The following EIF3CL variants were observed in gnomAD, a reference collection of about 807,000 sequenced individuals.
EIF3CL encodes the protein eukaryotic translation initiation factor 3 subunit C like.
For synonymous variants in EIF3CL, 2 were observed against 19.6 expected (o/e 0.10, Z 2.37); for missense variants, 5 against 56.1 (o/e 0.09, Z 2.91).
the EIF3CL span, among the ~76,000 whole-genome samples, chr16:28,417,140 GT>G: frequency 1.5e-4 from 20 of 135,592 alleles, no homozygotes; most frequent in African/African-American, 5.6e-4. Flanking sequence ...CGGGAGGGAG[GT>G]TGGGGGGTCA....
the EIF3CL span, among the ~76,000 whole-genome samples, chr16:28,418,068 G>A: frequency 2.6e-5 from 4 of 150,978 alleles, no homozygotes; most frequent in African/African-American, 7.3e-5. Context: ...AGATAGTAGT[G>A]TGCATGCTAT....
the EIF3CL span, chr16:28,414,699 G>A: frequency 8.3e-6 from 3 of 360,980 alleles, no homozygotes; most frequent in East Asian, 8.2e-5. Flanking sequence ...GTGGGGCTGC[G>A]CCAAGCTGCG....
upstream of EIF3CL, among the ~76,000 whole-genome samples, chr16:28,408,204 C>CAAAAAAAA (rs1224629208): frequency 2.1e-5 from 1 of 47,860 alleles, no homozygotes; most frequent in African/African-American, 9.0e-5. Flanking sequence ...ACCTTGTCGC[C>CAAAAAAAA]AAAAAAAAAA....
At chr16:28,416,832 G>A in the EIF3CL span, among the ~76,000 whole-genome samples, 1 of 83,116 alleles carries the variant, frequency 1.2e-5, no homozygotes, top group African/African-American at 4.3e-5. Context: ...CGCCCCTACT[G>A]GGAAGTGAGG....
At chr16:28,414,465 C>T in the EIF3CL span, 1 of 290,648 alleles carries the variant, frequency 3.4e-6, no homozygotes, top group Non-Finnish European at 6.6e-6. Flanking sequence ...AGATGGTCAA[C>T]TACCTGGTCA....
chr16:28,392,620 CAAAACAAAAA>C (rs1482482692), intron 8 of EIF3CL, among the ~76,000 whole-genome samples: 1 of 119,064 alleles, frequency 8.4e-6, no homozygotes, highest in Non-Finnish European at 1.8e-5. Context: ...CAAAACAAAA[CAAAACAAAAA>C]AAAACCAACC....
chr16:28,408,333 T>C (rs1270909468), upstream of EIF3CL, among the ~76,000 whole-genome samples: 1 of 35,064 alleles, frequency 2.9e-5, no homozygotes, highest in African/African-American at 1.0e-4. Context: ...GTGTATTTAA[T>C]AGGTGAATTT....
At chr16:28,423,859 T>C in the EIF3CL span, among the ~76,000 whole-genome samples, 1 of 115,824 alleles carries the variant, frequency 8.6e-6, no homozygotes, top group African/African-American at 2.7e-5. Context: ...TCTTGCTCTG[T>C]TGCCCAGGCT....
intron 15 of EIF3CL, among the ~76,000 whole-genome samples, chr16:28,386,767 CACACACACACACACCCCTAAAAGAT>C (rs2045605280): frequency 4.7e-5 from 4 of 85,450 alleles, no homozygotes; most frequent in African/African-American, 9.2e-5. Flanking sequence ...CACACACACA[CACACACACACACACCCCTAAAAGAT>C]ACACACACAC....
At chr16:28,414,884 C>T in the EIF3CL span, 1 of 517,666 alleles carries the variant, frequency 1.9e-6, no homozygotes, top group Non-Finnish European at 3.9e-6. Context: ...CCAAGTTCCC[C>T]ATGCAACAGT....
At chr16:28,421,742 G>A in the EIF3CL span, among the ~76,000 whole-genome samples, 1 of 105,282 alleles carries the variant, frequency 9.5e-6, no homozygotes. Context: ...AACCTGGGAG[G>A]TAGAAGTTGC....
chr16:28,423,941 C>G, the EIF3CL span, among the ~76,000 whole-genome samples: 2 of 112,630 alleles, frequency 1.8e-5, no homozygotes, highest in Admixed American at 1.1e-4. Flanking sequence ...CCTGCCTCAG[C>G]CTCCCAAGTA....
chr16:28,426,090 C>A, the EIF3CL span, among the ~76,000 whole-genome samples: 14 of 113,084 alleles, frequency 1.2e-4, no homozygotes, highest in Middle Eastern at 0.016. Context: ...TCAACACACA[C>A]ACACACACAC....
At chr16:28,421,868 T>C in the EIF3CL span, among the ~76,000 whole-genome samples, 2 of 131,150 alleles carry the variant, frequency 1.5e-5, no homozygotes, top group East Asian at 2.3e-4. Context: ...ATCTGCCTTT[T>C]AGCATGTCAC....
intron 8 of EIF3CL, among the ~76,000 whole-genome samples, chr16:28,396,785 C>A: frequency 4.0e-5 from 1 of 25,278 alleles, no homozygotes; most frequent in Non-Finnish European, 1.1e-4. Context: ...TATAAGATAC[C>A]ATAAAATGGT....
chr16:28,417,680 G>A, the EIF3CL span, among the ~76,000 whole-genome samples: 42 of 100,484 alleles, frequency 4.2e-4, no homozygotes, highest in Non-Finnish European at 7.7e-4. Context: ...CAAACACTGC[G>A]GAAGGCCGCA....
chr16:28,382,202 C>T (rs1450034528), intron 16 of EIF3CL, among the ~76,000 whole-genome samples: 4 of 81,668 alleles, frequency 4.9e-5, no homozygotes, highest in Admixed American at 1.5e-4. Context: ...AGTGAGGCTC[C>T]GTCTCAAAAA....
the EIF3CL span, among the ~76,000 whole-genome samples, chr16:28,421,587 G>A: frequency 4.2e-5 from 1 of 23,684 alleles, no homozygotes; most frequent in African/African-American, 1.3e-4. Flanking sequence ...GGAGGCCGAG[G>A]TAGGTGGATC....
chr16:28,424,292 TA>T, the EIF3CL span, among the ~76,000 whole-genome samples: 1 of 94,098 alleles, frequency 1.1e-5, no homozygotes, highest in Non-Finnish European at 2.1e-5. Context: ...CCAGCCTATT[TA>T]TTTTTTTTTG....
Sources: allele counts gnomAD v4.1 joint callset (sites outside exome capture counted in the v4.1 genomes callset), GRCh38; gene constraint gnomAD v4.1.1; transcripts MANE v1.5; gene names NCBI Gene and HGNC (gene_info 2026-07-23, HGNC 2026-07-21).